The following NEDD8 variants were observed in gnomAD, a reference collection of about 807,000 sequenced individuals.
The protein encoded by NEDD8 is NEDD8 ubiquitin like modifier.
A neutral mutation model predicts 13.8 loss-of-function variants in NEDD8; 1 was observed. That is an observed-to-expected ratio of 0.07 (90% confidence interval 0.03 to 0.34). The LOEUF (loss-of-function observed/expected upper bound fraction) is 0.34. Ranked by LOEUF, NEDD8 falls within the 10% of genes least tolerant of loss-of-function variation. NEDD8 has a pLI of 0.99. For missense variants in NEDD8, 10 were observed against 95.2 expected (o/e 0.10, Z 3.73); for synonymous variants, 31 against 33.2 (o/e 0.93, Z 0.23).
chr14:24,230,723 A>T (rs1398494388), intron 1 of NEDD8, among the ~76,000 whole-genome samples: 1 of 148,368 alleles, frequency 6.7e-6, no homozygotes, highest in Admixed American at 6.7e-5. Context: ...GGTTCAAGGG[A>T]TTCTCCTGCC....
chr14:24,228,896 T>A (rs1594494501), intron 1 of NEDD8, among the ~76,000 whole-genome samples: 1 of 135,070 alleles, frequency 7.4e-6, no homozygotes, highest in African/African-American at 2.8e-5. Flanking sequence ...CAAGAGGGGA[T>A]GGGGCGAGAG....
At chr14:24,217,911 A>G (rs1185222073) in intron 3 of NEDD8, 1 of 467,360 alleles carries the variant, frequency 2.1e-6, no homozygotes, top group African/African-American at 1.9e-5. Context: ...TAGTATTTTA[A>G]TAACTATTTC....
chr14:24,230,370 T>TA (rs1362164697), intron 1 of NEDD8, among the ~76,000 whole-genome samples: 3 of 147,518 alleles, frequency 2.0e-5, no homozygotes, highest in Non-Finnish European at 4.5e-5. Context: ...CTGTCTCTAC[T>TA]AAAAATACAA....
chr14:24,232,285 G>A lies in NEDD8; in HGVS notation c.-18C>T. On this transcript the variant is annotated 5_prime_UTR_variant, in exon 1 of 4. Coordinates refer to ENST00000250495, the MANE Select transcript of NEDD8 (RefSeq NM_006156.3). ...ATTAGCATCTTCTTTCCAGTTTGGG[G>A]CTGCACACGGATAAATTGCTGCTCC... The A allele has an allele frequency of 1.9e-6, 3 of 1,613,774 alleles. No individual in the cohort carries two copies. The highest frequency in any genetic ancestry group is 2.5e-6 in the Non-Finnish European group (3 of 1,179,950).
At chr14:24,228,645 A>C (rs1236923056) in intron 1 of NEDD8, 1 of 141,496 alleles carries the variant, frequency 7.1e-6, no homozygotes, top group African/African-American at 2.6e-5. Flanking sequence ...CTTGGGCCTG[A>C]GAGGTCGAGG....
intron 3 of NEDD8, chr14:24,217,570 G>A (rs1161890973): frequency 2.8e-5 from 6 of 217,840 alleles, no homozygotes; most frequent in South Asian, 2.4e-4. Flanking sequence ...GATTACAGGC[G>A]TGAGCCACTG....
chr14:24,217,238 A>C lies in NEDD8; in HGVS notation c.150-15T>G. The C allele has an allele frequency of 6.3e-7, 1 of 1,593,906 alleles. No homozygotes were observed. The highest frequency in any genetic ancestry group is 8.5e-7 in the Non-Finnish European group (1 of 1,170,872). On this transcript the variant is annotated splice_polypyrimidine_tract_variant and intron_variant, in intron 3 of 3. Transcript: ENST00000250495. ...TCTCATCATTCCTGCAGGAAAAGGAAGCCAGAAAAAAAAGAAAAAGAAGAC... is the reference window on the plus strand; with the variant it reads ...TCTCATCATTCCTGCAGGAAAAGGACGCCAGAAAAAAAAGAAAAAGAAGAC...
At chr14:24,229,415 T>G (rs1168511961) in intron 1 of NEDD8, among the ~76,000 whole-genome samples, 2 of 152,188 alleles carry the variant, frequency 1.3e-5, no homozygotes, top group African/African-American at 4.8e-5. Flanking sequence ...AGACGGGGTT[T>G]CACCATGTTG....
At chr14:24,218,650 T>C (rs1164363504) in intron 1 of NEDD8, 5 of 620,472 alleles carry the variant, frequency 8.1e-6, no homozygotes, top group African/African-American at 1.8e-5. Context: ...CTTTGAACCA[T>C]CTGATCCTCT....
intron 1 of NEDD8, among the ~76,000 whole-genome samples, chr14:24,230,331 G>C (rs936309587): frequency 6.8e-6 from 1 of 146,562 alleles, no homozygotes; most frequent in Non-Finnish European, 1.5e-5. Flanking sequence ...TCAGGAGATC[G>C]AGACCATCCT....
intron 1 of NEDD8, among the ~76,000 whole-genome samples, chr14:24,220,258 G>A (rs2039783864): frequency 6.6e-6 from 1 of 152,170 alleles, no homozygotes; most frequent in Non-Finnish European, 1.5e-5. Context: ...GAATATTTTT[G>A]AAGGGCTAAA....
chr14:24,218,153 G>A lies in NEDD8; in HGVS notation c.129C>T (p.Leu43=), dbSNP rs370581449. The part of the protein sequence containing the change: ...KEGIPPQQQR[L]IYSGKQMNDE... ...CTCACATCTGCTTGCCACTGTAGAT[G>A]AGCCTCTGCTGTTGTGGGGGGATTC... The change falls in exon 3 of 4, where the codon CTC becomes CTT. Residue 43 remains leucine (L), a synonymous_variant. Transcript: ENST00000250495. 207 of 1,614,074 alleles carry A rather than the reference G, an allele frequency of 1.3e-4. No homozygotes were observed. The highest frequency in any genetic ancestry group is 2.7e-4 in the Admixed American group (16 of 60,018).
chr14:24,217,779 T>G (rs1277693715), intron 3 of NEDD8: 1 of 198,372 alleles, frequency 5.0e-6, no homozygotes, highest in Non-Finnish European at 1.0e-5. Context: ...ATTAACTATT[T>G]TCTATCATGA....
At chr14:24,218,881 G>A (rs112391425) in intron 1 of NEDD8, among the ~76,000 whole-genome samples, 16 of 152,182 alleles carry the variant, frequency 1.1e-4, no homozygotes, top group African/African-American at 3.6e-4. Flanking sequence ...CACGTAGCTG[G>A]GATTACAGGC....
Position 24,229,994 on chromosome 14 carries a change from C to G in NEDD8, c.18+2256G>C, listed in dbSNP as rs1234512833. On this transcript the variant is annotated intron_variant, in intron 1 of 3. Transcript: ENST00000250495. ...CTGAGGCAGGAGAATCGCTTGAACCCGGGAGGCGGAGGTTGCAGTGAGCCG... is the reference window on the plus strand; with the variant it reads ...CTGAGGCAGGAGAATCGCTTGAACCGGGGAGGCGGAGGTTGCAGTGAGCCG... Among the ~76,000 whole-genome samples the G allele has an allele frequency of 2.0e-5, 3 of 151,848 alleles. No individual in the cohort carries two copies. In the East Asian group the frequency reaches 5.9e-4, roughly 30 times the overall value.
intron 1 of NEDD8, chr14:24,231,941 C>T: frequency 8.2e-6 from 3 of 367,534 alleles, no homozygotes. Flanking sequence ...GCTGCTAGGC[C>T]TTCTCTATGA....
At position 24,217,035 on chromosome 14, in the gene NEDD8, G is replaced by A. The variant is rs1380492591; in HGVS notation, c.*92C>T. 9 of 972,460 alleles carry A rather than the reference G, an allele frequency of 9.3e-6. No homozygotes were observed. The highest frequency in any genetic ancestry group is 5.9e-5 in the South Asian group (4 of 67,668). The allele number at this position is 972,460 out of a possible 1,614,324, so 60.2% of individuals were successfully genotyped here. A position where few individuals can be genotyped will look rare whatever the true frequency, so the allele number is the denominator to read the frequency against. ...GACATACATTACTGGGCATCCAGGG[G>A]AGGGGGCAGTGGCTATGGTGTCCCA... On this transcript the variant is annotated 3_prime_UTR_variant, in exon 4 of 4. Coordinates refer to ENST00000250495, the MANE Select transcript of NEDD8 (RefSeq NM_006156.3).
chr14:24,231,503 G>C (rs1448439694), intron 1 of NEDD8: 2 of 149,552 alleles, frequency 1.3e-5, no homozygotes, highest in African/African-American at 2.5e-5. Context: ...GTGGGGGGGG[G>C]GGTCTCTGTC....
rs185399379 is a variant in NEDD8 at position 24,219,523 on chromosome 14, A to C, written c.19-1092T>G. Among the ~76,000 whole-genome samples, 144 of 151,800 alleles carry C rather than the reference A, an allele frequency of 9.5e-4. 1 individual carries two copies. The highest frequency in any genetic ancestry group is 3.4e-3 in the African/African-American group (141 of 41,454). On this transcript the variant is annotated intron_variant, in intron 1 of 3. Coordinates refer to ENST00000250495, the MANE Select transcript of NEDD8 (RefSeq NM_006156.3). Reference sequence around the variant, plus strand: ...AAAAGAAAGTAAAAGAAAAAAGAGAAAAGAAGACAAGAAGTCAACATTACA... The same window carrying C: ...AAAAGAAAGTAAAAGAAAAAAGAGACAAGAAGACAAGAAGTCAACATTACA...
Sources: gnomAD v4.1 joint callset for allele counts (sites outside exome capture counted in the v4.1 genomes callset) on GRCh38, gnomAD v4.1.1 for gene constraint, MANE v1.5 for transcripts, NCBI Gene and HGNC (gene_info 2026-07-23, HGNC 2026-07-21) for gene names.